Variants in SLC67A1 observed in about 807,000 individuals in gnomAD.
SLC67A1 encodes the protein solute carrier family 67 member 1.
At chr11:2,919,631 G>T in the SLC67A1 span, 2 of 550,310 alleles carry the variant, frequency 3.6e-6, no homozygotes, top group East Asian at 3.0e-5. Context: ...CTGATGGGCA[G>T]CTGGCTGGGA....
At chr11:2,914,599 GC>G in the SLC67A1 span, 2 of 605,470 alleles carry the variant, frequency 3.3e-6, no homozygotes, top group African/African-American at 4.0e-5. Flanking sequence ...GGGTCCCCCA[GC>G]CCCAGGCTTT....
At chr11:2,920,368 T>C in the SLC67A1 span, 1 of 152,260 alleles carries the variant, frequency 6.6e-6, no homozygotes, top group Admixed American at 6.5e-5. Context: ...GTTGTTGCCA[T>C]GGGGCCTGTT....
chr11:2,924,989 C>A, the SLC67A1 span: 1 of 1,590,356 alleles, frequency 6.3e-7, no homozygotes, highest in Non-Finnish European at 8.6e-7. This position sits in a 1 kb window ranked among gnomAD's most constrained non-coding sequence, Gnocchi z 8.6. Context: ...CAGGGCCTGA[C>A]TACCCCCATG....
the SLC67A1 span, chr11:2,903,102 A>T: frequency 1.2e-6 from 1 of 846,926 alleles, no homozygotes; most frequent in Non-Finnish European, 1.7e-6. Context: ...GTGCCTGGAG[A>T]CCAGAGCTGT....
At chr11:2,899,863 G>C in the SLC67A1 span, 1 of 733,372 alleles carries the variant, frequency 1.4e-6, no homozygotes, top group Non-Finnish European at 2.2e-6. Flanking sequence ...AGCCTCCCTC[G>C]CACACCTCTG....
the SLC67A1 span, among the ~76,000 whole-genome samples, chr11:2,905,114 C>T: frequency 6.6e-6 from 1 of 152,130 alleles, no homozygotes; most frequent in Non-Finnish European, 1.5e-5. Context: ...AGACGATTTT[C>T]GACCCCAGTG....
At chr11:2,916,849 G>A in the SLC67A1 span, 1 of 889,902 alleles carries the variant, frequency 1.1e-6, no homozygotes, top group Non-Finnish European at 1.8e-6. Context: ...GAAATCTGGG[G>A]GCTACTCACA....
At chr11:2,918,050 G>A in the SLC67A1 span, 134 of 1,613,558 alleles carry the variant, frequency 8.3e-5, no homozygotes, top group South Asian at 6.6e-4. Context: ...GCTGCCAGAC[G>A]TCCCGAGGAT....
chr11:2,924,361 T>G, the SLC67A1 span, among the ~76,000 whole-genome samples: 1 of 151,186 alleles, frequency 6.6e-6, no homozygotes, highest in Admixed American at 6.6e-5. This position sits in a 1 kb window ranked among gnomAD's most constrained non-coding sequence, Gnocchi z 8.6. Flanking sequence ...TTCCATGGAG[T>G]AGTAGGAGCT....
the SLC67A1 span, among the ~76,000 whole-genome samples, chr11:2,913,043 C>G: frequency 1.3e-5 from 2 of 152,078 alleles, no homozygotes; most frequent in Non-Finnish European, 2.9e-5. Flanking sequence ...CAGGGCACCC[C>G]AAGCGCTGAG....
At chr11:2,921,970 G>C in the SLC67A1 span, 1 of 708,326 alleles carries the variant, frequency 1.4e-6, no homozygotes, top group East Asian at 2.5e-5. Context: ...ATGCTGAGGG[G>C]CCTTCTCTGC....
chr11:2,919,403 A>G, the SLC67A1 span: 1 of 1,613,012 alleles, frequency 6.2e-7, no homozygotes. Context: ...GGGCTCCTCC[A>G]GATGGTGAGT....
chr11:2,901,137 GAGA>G, the SLC67A1 span, among the ~76,000 whole-genome samples: 4 of 152,188 alleles, frequency 2.6e-5, no homozygotes, highest in Admixed American at 2.0e-4. Flanking sequence ...AGGAGAGCAA[GAGA>G]AGGTCAGAGA....
chr11:2,906,463 C>G, the SLC67A1 span, among the ~76,000 whole-genome samples: 7 of 152,182 alleles, frequency 4.6e-5, no homozygotes, highest in African/African-American at 1.7e-4. Flanking sequence ...AGACTTGGAA[C>G]CAACCCAAAT....
chr11:2,905,085 T>C, the SLC67A1 span, among the ~76,000 whole-genome samples: 10 of 152,196 alleles, frequency 6.6e-5, no homozygotes, highest in African/African-American at 2.4e-4. Flanking sequence ...GGAGCCCAGT[T>C]GGGGACGGGT....
chr11:2,902,796 A>C, the SLC67A1 span: 16 of 948,132 alleles, frequency 1.7e-5, no homozygotes, highest in Non-Finnish European at 2.0e-5. Context: ...AGCCCCTTGG[A>C]GCTCTGGCTG....
chr11:2,909,898 T>A, the SLC67A1 span: 1 of 589,954 alleles, frequency 1.7e-6, no homozygotes, highest in Non-Finnish European at 2.8e-6. Flanking sequence ...TGGCTGGCCC[T>A]GGATAGGGCC....
the SLC67A1 span, among the ~76,000 whole-genome samples, chr11:2,901,263 G>A: frequency 0.41 from 62,645 of 152,098 alleles, 13,103 homozygotes; most frequent in South Asian, 0.46. Context: ...CACTCCCACG[G>A]TGACTTGGAA....
chr11:2,917,420 G>A, the SLC67A1 span, among the ~76,000 whole-genome samples: 1 of 152,108 alleles, frequency 6.6e-6, no homozygotes, highest in African/African-American at 2.4e-5. Flanking sequence ...GGCCTGTGGC[G>A]AGCACAGCAG....
Sources: allele counts gnomAD v4.1 joint callset (sites outside exome capture counted in the v4.1 genomes callset), GRCh38; gene constraint gnomAD v4.1.1; non-coding constraint Gnocchi (gnomAD v3.1); transcripts MANE v1.5; gene names NCBI Gene and HGNC (gene_info 2026-07-23, HGNC 2026-07-21).